GPC3: variants seen among roughly 807,000 people sequenced by gnomAD.
GPC3 encodes glypican 3.
GPC3 carries 3 observed loss-of-function variants against 34.4 expected under a neutral mutation model. The observed-to-expected ratio is 0.09, with a 90% CI of 0.04 to 0.23. The LOEUF (loss-of-function observed/expected upper bound fraction) is 0.23. Ranked by LOEUF, GPC3 falls within the 10% of genes least tolerant of loss-of-function variation. GPC3 has a pLI of 1.00. For missense variants in GPC3, 351 were observed against 445.6 expected (o/e 0.79, Z 1.91); for synonymous variants, 177 against 174.0 (o/e 1.02, Z -0.13).
chrX:133,831,492 A>G (rs1457091233), intron 2 of GPC3, among the ~76,000 whole-genome samples: 2 of 112,163 alleles, frequency 1.8e-5, no homozygotes, highest in African/African-American at 6.5e-5. Flanking sequence ...GCACTTTGGG[A>G]GGCCAAGGCA....
intron 5 of GPC3, among the ~76,000 whole-genome samples, chrX:133,687,155 G>A (rs1469135146): frequency 2.1e-5 from 2 of 94,980 alleles, no homozygotes; most frequent in East Asian, 6.5e-4. Flanking sequence ...TGTTAGCCAG[G>A]ATGGTCTCGA....
In GPC3 at chrX:133,753,554, C is replaced by T; in HGVS notation, c.960G>A (p.Leu320=). The change falls in exon 3 of 8, where the codon CTG becomes CTA. Residue 320 remains leucine (L), a synonymous_variant. Transcript: ENST00000370818. ...MYRIYDMENV[L]LGLFSTIHDS... ...CATGGATTGTTGAAAAGAGACCAAGCAGTACGTTCTCCATGTCATAGATTC... is the reference window on the plus strand; with the variant it reads ...CATGGATTGTTGAAAAGAGACCAAGTAGTACGTTCTCCATGTCATAGATTC... 8.3e-7 allele frequency: 1 copy of T among 1,209,827 alleles called. No homozygotes were observed. The highest frequency in any genetic ancestry group is 1.1e-6 in the Non-Finnish European group (1 of 893,654).
chrX:133,890,609 G>C (rs12397176), intron 2 of GPC3, among the ~76,000 whole-genome samples: 2 of 110,243 alleles, frequency 1.8e-5, no homozygotes, highest in Non-Finnish European at 3.8e-5. Context: ...TGTAATCCTA[G>C]CACTTTGAGA....
chrX:133,680,349 G>C (rs1164135807), intron 5 of GPC3, among the ~76,000 whole-genome samples: 2 of 111,495 alleles, frequency 1.8e-5, no homozygotes, highest in African/African-American at 6.5e-5. Context: ...CCAGCTCTAG[G>C]CCCGAAGCTG....
intron 5 of GPC3, among the ~76,000 whole-genome samples, chrX:133,668,455 TG>T (rs1422260754): frequency 9.0e-6 from 1 of 111,305 alleles, no homozygotes; most frequent in Non-Finnish European, 1.9e-5. Flanking sequence ...AAATGTACTG[TG>T]GGCACTGCCC....
chrX:133,680,312 C>A (rs1487971291), intron 5 of GPC3, among the ~76,000 whole-genome samples: 2 of 111,891 alleles, frequency 1.8e-5, no homozygotes, highest in African/African-American at 3.3e-5. Context: ...ACACCTTACT[C>A]TGGCTCCTGC....
intron 2 of GPC3, among the ~76,000 whole-genome samples, chrX:133,848,459 C>A (rs1359999946): frequency 8.9e-6 from 1 of 112,117 alleles, no homozygotes; most frequent in African/African-American, 3.2e-5. Flanking sequence ...TTCACATAAA[C>A]CAACTGAAGT....
At chrX:133,600,697 C>A (rs1483898542) in intron 6 of GPC3, among the ~76,000 whole-genome samples, 2 of 110,968 alleles carry the variant, frequency 1.8e-5, no homozygotes, top group African/African-American at 6.6e-5. Flanking sequence ...GGAGGAATTG[C>A]CAGCAAGGAG....
intron 2 of GPC3, among the ~76,000 whole-genome samples, chrX:133,893,806 T>C (rs931340846): frequency 2.7e-5 from 3 of 111,940 alleles, no homozygotes; most frequent in African/African-American, 9.7e-5. Context: ...CATAACATAA[T>C]ATGCCTGATC....
Position 133,953,158 on chromosome X carries a change from T to C in GPC3, c.229A>G (p.Met77Val). 1.7e-6 allele frequency: 2 copies of C among 1,208,561 alleles called. No homozygotes were observed. Among genetic ancestry groups the C allele is most frequent in the Non-Finnish European group, 2.2e-6 (2 of 893,011 alleles). The change falls in exon 2 of 8, where the codon ATG (methionine) becomes GTG (valine). Residue 77 changes from methionine to valine, a missense_variant. By Grantham distance (21) the Met-to-Val change is conservative. Transcript: ENST00000370818. ...GCTGTTAGTTGGTATTTTTCTTCCA[T>C]CTTTCTTGAGCAGCATGTTGGGCCC... Reference protein sequence around the residue: ...PKGPTCCSRKMEEKYQLTARL... With the variant: ...PKGPTCCSRKVEEKYQLTARL...
At chrX:133,696,537 TAAAG>T (rs1364095958) in intron 4 of GPC3, among the ~76,000 whole-genome samples, 1 of 112,541 alleles carries the variant, frequency 8.9e-6, no homozygotes, top group African/African-American at 3.2e-5. Flanking sequence ...TTTTTCTCTT[TAAAG>T]AAAGACACAT....
intron 2 of GPC3, among the ~76,000 whole-genome samples, chrX:133,820,487 T>C (rs1366368333): frequency 3.6e-5 from 4 of 111,629 alleles, no homozygotes; most frequent in Non-Finnish European, 7.5e-5. Flanking sequence ...TGAGTGGCAG[T>C]AAAATTTGAG....
intron 2 of GPC3, among the ~76,000 whole-genome samples, chrX:133,897,657 G>T (rs2076124310): frequency 9.0e-6 from 1 of 110,820 alleles, no homozygotes; most frequent in Non-Finnish European, 1.9e-5. Flanking sequence ...ATGCTCACGT[G>T]GATGGTGCCA....
At chrX:133,760,837 A>C (rs1010852687) in intron 2 of GPC3, among the ~76,000 whole-genome samples, 1 of 111,942 alleles carries the variant, frequency 8.9e-6, no homozygotes, top group Non-Finnish European at 1.9e-5. Flanking sequence ...GTACCAAACT[A>C]ATGCTAATAA....
chrX:133,635,115 T>C (rs964868846), intron 6 of GPC3, among the ~76,000 whole-genome samples: 3 of 111,904 alleles, frequency 2.7e-5, no homozygotes, highest in Non-Finnish European at 5.6e-5. Context: ...TTCTGAAATC[T>C]CTCTTTTTCA....
intron 6 of GPC3, among the ~76,000 whole-genome samples, chrX:133,650,745 T>G (rs1031541825): frequency 9.0e-6 from 1 of 111,112 alleles, no homozygotes; most frequent in African/African-American, 3.3e-5. Context: ...CTTGCCCTTA[T>G]GCTAACTCTT....
At chrX:133,711,895 C>A (rs1257759936) in intron 3 of GPC3, among the ~76,000 whole-genome samples, 1 of 111,899 alleles carries the variant, frequency 8.9e-6, no homozygotes, top group Admixed American at 9.5e-5. Context: ...ACCTTCTTAT[C>A]ATTTAATAAA....
At chrX:133,537,444 G>T (rs2069303954) in intron 7 of GPC3, among the ~76,000 whole-genome samples, 1 of 111,288 alleles carries the variant, frequency 9.0e-6, no homozygotes, top group African/African-American at 3.3e-5. Flanking sequence ...TCTTACAGGG[G>T]ATGAAACACT....
intron 6 of GPC3, among the ~76,000 whole-genome samples, chrX:133,621,572 A>G (rs1398260623): frequency 8.9e-6 from 1 of 112,073 alleles, no homozygotes; most frequent in East Asian, 2.8e-4. Context: ...GCAGTCTGAG[A>G]TCGAACTGCA....
Sources: gnomAD v4.1 joint callset for allele counts (sites outside exome capture counted in the v4.1 genomes callset) on GRCh38, gnomAD v4.1.1 for gene constraint, MANE v1.5 for transcripts, NCBI Gene and HGNC (gene_info 2026-07-23, HGNC 2026-07-21) for gene names.